STYXL1: variants seen among roughly 807,000 people sequenced by gnomAD.
The protein encoded by STYXL1 is serine/threonine/tyrosine interacting like 1, also known as serine/threonine/tyrosine-interacting-like protein 1.
Under a neutral mutation model 36.4 loss-of-function variants are expected in STYXL1, and 32 were observed. The observed-to-expected ratio is 0.88, with a 90% CI of 0.66 to 1.18. The LOEUF (loss-of-function observed/expected upper bound fraction) is 1.18. Among genes scored for constraint, STYXL1 ranks in the 50% most tolerant of loss-of-function variants. The pLI is 0.00. For missense variants in STYXL1, 354 were observed against 394.1 expected (o/e 0.90, Z 0.86); for synonymous variants, 133 against 144.1 (o/e 0.92, Z 0.55).
intron 1 of STYXL1, among the ~76,000 whole-genome samples, chr7:76,039,078 CA>C (rs1554581499): frequency 6.7e-6 from 1 of 148,636 alleles, no homozygotes; most frequent in African/African-American, 2.6e-5. Context: ...GCTGGGACTA[CA>C]GGCATGTGCC....
chr7:76,032,131 C>T (rs781948204), intron 1 of STYXL1, among the ~76,000 whole-genome samples: 3 of 151,946 alleles, frequency 2.0e-5, no homozygotes, highest in South Asian at 2.1e-4. Flanking sequence ...GTGGTATACA[C>T]CTATAGTCCC....
At chr7:76,013,110 A>G (rs975317932) in intron 5 of STYXL1, among the ~76,000 whole-genome samples, 4 of 152,130 alleles carry the variant, frequency 2.6e-5, no homozygotes, top group Non-Finnish European at 4.4e-5. Context: ...GGATCACTTG[A>G]GGTCAGGAGA....
chr7:76,034,269 A>AT (rs71082377), intron 1 of STYXL1, among the ~76,000 whole-genome samples: 40,162 of 151,474 alleles, frequency 0.27, 6,803 homozygotes, highest in Non-Finnish European at 0.38. Context: ...TGGCCGGCTA[A>AT]TTTTTTTTTA....
chr7:76,024,838 A>T (rs1585276388), intron 3 of STYXL1, among the ~76,000 whole-genome samples: 1 of 149,784 alleles, frequency 6.7e-6, no homozygotes, highest in Admixed American at 6.8e-5. Context: ...AGTCCCAGCT[A>T]CTTGGGAGAC....
At chr7:76,007,601 AACAACACGT>A (rs1791951739) in intron 5 of STYXL1, among the ~76,000 whole-genome samples, 1 of 152,030 alleles carries the variant, frequency 6.6e-6, no homozygotes, top group Non-Finnish European at 1.5e-5. Context: ...CTCTCTCGGA[AACAACACGT>A]ACATTAGCAA....
chr7:76,008,556 C>A (rs529896370), intron 5 of STYXL1, among the ~76,000 whole-genome samples: 2 of 152,226 alleles, frequency 1.3e-5, no homozygotes, highest in African/African-American at 4.8e-5. Context: ...AGACACCAAG[C>A]TGAGCCAGTT....
At position 76,015,411 on chromosome 7, in the gene STYXL1, A is replaced by G. The variant is rs536402764; in HGVS notation, c.308-1524T>C. On this transcript the variant is annotated intron_variant, in intron 4 of 8. Coordinates refer to ENST00000359697, the MANE Select transcript of STYXL1 (RefSeq NM_001317785.2). ...CTTAAATGTAACACCTGAAAACTAT[A>G]GAAATCCTAGAAGAAAATCTAGGGA... Among the ~76,000 whole-genome samples, 30 of 152,380 alleles carry G rather than the reference A, an allele frequency of 2.0e-4. 1 individual carries two copies. The South Asian group carries it at 2.7e-3, about 14-fold the overall frequency.
intron 5 of STYXL1, among the ~76,000 whole-genome samples, chr7:76,005,882 A>AGAGGAG (rs1279754103): frequency 3.9e-5 from 3 of 76,660 alleles, no homozygotes; most frequent in East Asian, 3.5e-4. Flanking sequence ...AGAGGAGGAG[A>AGAGGAG]GAGGAGGAGG....
In STYXL1 at chr7:76,021,845, AC is replaced by A. The variant is rs781829597; in HGVS notation, c.307+5del. ...ATTATTCTTGCTGCTGTTGCATAAA[AC>A]CCACCTTTGCCATCACCATCAGAGT... On this transcript the variant is annotated splice_donor_5th_base_variant and intron_variant, in intron 4 of 8. Coordinates refer to ENST00000359697, the MANE Select transcript of STYXL1 (RefSeq NM_001317785.2). 1.2e-6 allele frequency: 2 copies of A among 1,603,144 alleles called. No homozygotes were observed. Among genetic ancestry groups the A allele is most frequent in the Admixed American group, 3.3e-5 (2 of 59,762 alleles).
At chr7:76,019,162 T>C (rs879999013) in intron 4 of STYXL1, among the ~76,000 whole-genome samples, 1 of 152,012 alleles carries the variant, frequency 6.6e-6, no homozygotes, top group Admixed American at 6.6e-5. Context: ...AGCCAAGACA[T>C]CCTTAAACCA....
chr7:76,004,793 T>A (rs562188745), intron 6 of STYXL1, among the ~76,000 whole-genome samples: 91 of 151,740 alleles, frequency 6.0e-4, no homozygotes, highest in African/African-American at 2.0e-3. Context: ...CAAGGTCAGG[T>A]GATCGAGACC....
chr7:76,021,821 T>C (rs781902652), intron 4 of STYXL1, 30 bp downstream of exon 4: 2 of 1,539,704 alleles, frequency 1.3e-6, no homozygotes, highest in Admixed American at 1.7e-5. Flanking sequence ...CCGTTAACTA[T>C]TATTCTTGCT....
At chr7:76,043,547 G>T (rs1554582703) in intron 1 of STYXL1, among the ~76,000 whole-genome samples, 1 of 151,976 alleles carries the variant, frequency 6.6e-6, no homozygotes. Context: ...GGGAGGAATT[G>T]AAGCAGCAAG....
At chr7:76,034,090 A>C (rs1795680950) in intron 1 of STYXL1, among the ~76,000 whole-genome samples, 2 of 152,172 alleles carry the variant, frequency 1.3e-5, no homozygotes, top group Non-Finnish European at 2.9e-5. Context: ...CATGGGCATA[A>C]CCTACTTCTT....
chr7:76,012,010 A>C (rs1222113414), intron 5 of STYXL1, among the ~76,000 whole-genome samples: 2 of 152,254 alleles, frequency 1.3e-5, no homozygotes, highest in African/African-American at 4.8e-5. Context: ...TTTTTGTATT[A>C]AAAAATAGGC....
In STYXL1 at chr7:76,002,071, T is replaced by A. The variant is rs542474571; in HGVS notation, c.698-1069A>T. Among the ~76,000 whole-genome samples the A allele has an allele frequency of 5.9e-5, 9 of 152,244 alleles. No homozygotes were observed. In the South Asian group the frequency reaches 1.4e-3, roughly 25 times the overall value. On this transcript the variant is annotated intron_variant, in intron 7 of 8. Transcript: ENST00000359697. ...TAACCCTCCGCCTTAGCCTTCTGAG[T>A]AGCTGGGACCACAGGCATGTGCCAC...
chr7:76,040,942 G>A (rs1249349405), intron 1 of STYXL1, among the ~76,000 whole-genome samples: 1 of 152,006 alleles, frequency 6.6e-6, no homozygotes, highest in Non-Finnish European at 1.5e-5. Flanking sequence ...ATATCCTAGA[G>A]CAGCTACAGA....
chr7:76,024,281 A>T (rs1794414694), intron 3 of STYXL1, among the ~76,000 whole-genome samples: 1 of 152,090 alleles, frequency 6.6e-6, no homozygotes, highest in African/African-American at 2.4e-5. Flanking sequence ...AACAACCGAT[A>T]TTCACCACAC....
chr7:76,025,561 G>A (rs1055213548), intron 3 of STYXL1, among the ~76,000 whole-genome samples: 6 of 152,040 alleles, frequency 3.9e-5, no homozygotes, highest in African/African-American at 9.7e-5. Flanking sequence ...AGGTCAAGGC[G>A]GGTGGATCAC....
Sources: allele counts gnomAD v4.1 joint callset (sites outside exome capture counted in the v4.1 genomes callset), GRCh38; gene constraint gnomAD v4.1.1; transcripts MANE v1.5; gene names NCBI Gene and HGNC (gene_info 2026-07-23, HGNC 2026-07-21).